OTOGL: variants seen among roughly 807,000 people sequenced by gnomAD.
OTOGL encodes otogelin like, also known as otogelin-like protein.
A neutral mutation model predicts 318.5 loss-of-function variants in OTOGL; 285 were observed. The observed-to-expected ratio is 0.89, with a 90% CI of 0.81 to 0.99. The LOEUF is 0.99. OTOGL is among the 50% of genes least tolerant of loss of function. The pLI, the probability that OTOGL is intolerant of heterozygous loss-of-function variation, is 0.00. For missense variants in OTOGL, 2,899 were observed against 2,845.6 expected, an observed-to-expected ratio of 1.02 and a Z score of -0.43; for synonymous variants, 987 against 936.5, an observed-to-expected ratio of 1.05 and a Z score of -0.99.
chr12:80,372,742 G>A (rs919543353), intron 57 of OTOGL, among the ~76,000 whole-genome samples: 7 of 151,474 alleles, frequency 4.6e-5, no homozygotes, highest in African/African-American at 9.7e-5. Flanking sequence ...AGGCCGGGGC[G>A]TAGTGGCATG....
chr12:80,336,211 A>C, intron 39 of OTOGL, 71 bp downstream of exon 39: 1 of 1,433,872 alleles, frequency 7.0e-7, no homozygotes, highest in Non-Finnish European at 9.1e-7. Flanking sequence ...TACTTTTTTG[A>C]ACCTTTCACC....
At chr12:80,275,931 A>C (rs908608483) in intron 24 of OTOGL, among the ~76,000 whole-genome samples, 6 of 145,422 alleles carry the variant, frequency 4.1e-5, no homozygotes, top group Non-Finnish European at 6.0e-5. Flanking sequence ...TGCTGTAAAT[A>C]TAACTTTTAT....
At chr12:80,122,615 G>C (rs190261724) in intron 1 of OTOGL, among the ~76,000 whole-genome samples, 9 of 152,104 alleles carry the variant, frequency 5.9e-5, no homozygotes, top group African/African-American at 2.2e-4. Context: ...AAATGTCAAG[G>C]TAAGCTTGGC....
intron 18 of OTOGL, among the ~76,000 whole-genome samples, chr12:80,258,849 C>T (rs952657883): frequency 4.6e-5 from 7 of 151,890 alleles, no homozygotes; most frequent in African/African-American, 1.7e-4. Flanking sequence ...TCAAAGGGTA[C>T]AAAGTTTCAG....
intron 18 of OTOGL, among the ~76,000 whole-genome samples, chr12:80,259,779 G>C (rs1032815969): frequency 4.6e-5 from 7 of 152,006 alleles, no homozygotes; most frequent in Non-Finnish European, 1.0e-4. Context: ...GGGCATTTGC[G>C]TTGGTTCCAA....
chr12:80,377,258 G>A lies in OTOGL; in HGVS notation c.6861+56G>A, dbSNP rs923040612. ...ATGCACACATCTTTTTAGAAAGTAT[G>A]TGTGTTACAGAAAGAAGTTTGTAAG... is the stretch of plus-strand genomic sequence containing the variant. On this transcript the variant is annotated intron_variant, in intron 58 of 58. Transcript: ENST00000547103. 20 of 1,357,442 alleles carry A rather than the reference G, an allele frequency of 1.5e-5. No individual in the cohort carries two copies. In the African/African-American group the frequency reaches 1.6e-4, roughly 11 times the overall value. 84.1% of individuals were successfully genotyped at this position (1,357,442 alleles called of 1,614,324 possible).
chr12:80,296,203 C>A (rs1592671616), intron 26 of OTOGL, among the ~76,000 whole-genome samples: 4 of 152,312 alleles, frequency 2.6e-5, no homozygotes, highest in Admixed American at 2.6e-4. Flanking sequence ...GAACTCTGAT[C>A]CTCCTCTTAA....
At chr12:80,103,257 CGAATGTGGGAAGGTGCGTTGAAATG>C in intron 1 of OTOGL, 1 of 1,539,974 alleles carries the variant, frequency 6.5e-7, no homozygotes, top group Non-Finnish European at 9.0e-7. Context: ...AATCTTCCTT[CGAATGTGGGAAGGTGCGTTGAAATG>C]CCTTTTGCGA....
chr12:80,187,602 T>G (rs1045580243), intron 1 of OTOGL, among the ~76,000 whole-genome samples: 1 of 152,184 alleles, frequency 6.6e-6, no homozygotes, highest in Non-Finnish European at 1.5e-5. Context: ...TCACTAAGTA[T>G]AAAGACAATG....
chr12:80,132,866 G>A (rs1017056731), intron 1 of OTOGL: 2 of 152,128 alleles, frequency 1.3e-5, no homozygotes, highest in Admixed American at 6.6e-5. Flanking sequence ...ACATTATGAA[G>A]GTGGTTTTGA....
intron 1 of OTOGL, among the ~76,000 whole-genome samples, chr12:80,110,055 TTTTC>T (rs1330655865): frequency 2.0e-5 from 3 of 148,356 alleles, no homozygotes; most frequent in Non-Finnish European, 4.4e-5. Flanking sequence ...ATTAGTTTTT[TTTTC>T]TTTCTTTCTT....
chr12:80,262,211 C>A (rs1274071428), intron 19 of OTOGL, 118 bp downstream of exon 19: 2 of 1,036,636 alleles, frequency 1.9e-6, no homozygotes, highest in Non-Finnish European at 2.6e-6. Flanking sequence ...ATGGTAAAAT[C>A]AATGCCATTC....
In OTOGL at chr12:80,367,583, T is replaced by G. The variant is rs1254212183; in HGVS notation, c.6354T>G (p.Phe2118Leu). The G allele has an allele frequency of 2.0e-6, 3 of 1,537,904 alleles. No individual in the cohort carries two copies. The African/African-American group carries it at 4.1e-5, about 21-fold the overall frequency. The change falls in exon 54 of 59, where the codon TTT (phenylalanine) becomes TTG (leucine). Residue 2118 changes from phenylalanine to leucine, a missense_variant. Coordinates refer to ENST00000547103, the MANE Select transcript of OTOGL (RefSeq NM_001378609.3). Reference protein sequence around the residue: ...YLCEKDDVCVFQEVSVLNPGQ... With the variant: ...YLCEKDDVCVLQEVSVLNPGQ... The stretch of plus-strand genomic sequence containing the variant: ...TAGAAAAGGATGATGTGTGTGTATT[T>G]CAAGAAGTATCAGTATTGAATCCTG...
At chr12:80,345,118 T>TCA (rs200312256) in intron 44 of OTOGL, among the ~76,000 whole-genome samples, 1 of 104,156 alleles carries the variant, frequency 9.6e-6, no homozygotes, top group Non-Finnish European at 1.9e-5. Flanking sequence ...ATATATATTA[T>TCA]TATGTTATAT....
chr12:80,249,962 A>G (rs1227863076), intron 11 of OTOGL, among the ~76,000 whole-genome samples: 3 of 151,994 alleles, frequency 2.0e-5, no homozygotes, highest in Admixed American at 2.0e-4. Flanking sequence ...TTTGACTCGG[A>G]AAGGGAACTC....
Position 80,378,570 on chromosome 12 carries a change from TC to T in OTOGL, c.*526del, listed in dbSNP as rs1490074427. ...GGTTTATAGAGAAGTCATTATAAAT[TC>T]CCCTCATTTTGCAGGTGTAACAGAT... On this transcript the variant is annotated 3_prime_UTR_variant, in exon 59 of 59. Coordinates refer to ENST00000547103, the MANE Select transcript of OTOGL (RefSeq NM_001378609.3). 3.1e-4 allele frequency: 48 copies of T among 152,644 alleles called. 1 individual carries two copies. The highest frequency in any genetic ancestry group is 1.1e-3 in the African/African-American group (47 of 41,558). The allele number at this position is 152,644 out of a possible 1,614,324, so 9.5% of individuals were successfully genotyped here. A position where few individuals can be genotyped will look rare whatever the true frequency, so the allele number is the denominator to read the frequency against.
At chr12:80,122,819 A>G (rs1359864119) in intron 1 of OTOGL, among the ~76,000 whole-genome samples, 1 of 152,142 alleles carries the variant, frequency 6.6e-6, no homozygotes, top group Non-Finnish European at 1.5e-5. Flanking sequence ...GGAAAGACCA[A>G]GTTTCCAAAT....
In OTOGL at chr12:80,320,702, T is replaced by C; in HGVS notation, c.4081+2T>C. 3 of 1,589,584 alleles carry C rather than the reference T, an allele frequency of 1.9e-6. No individual in the cohort carries two copies. Among genetic ancestry groups the C allele is most frequent in the Non-Finnish European group, 2.6e-6 (3 of 1,168,184 alleles). ...ATTCAAGTAGCTTCAGCATAGAAGGTATGTTTCCTGAGATCTCCAAAAAGA... is the reference window on the plus strand; with the variant it reads ...ATTCAAGTAGCTTCAGCATAGAAGGCATGTTTCCTGAGATCTCCAAAAAGA... On this transcript the variant is annotated splice_donor_variant, in intron 34 of 58. Coordinates refer to ENST00000547103, the MANE Select transcript of OTOGL (RefSeq NM_001378609.3). LOFTEE classifies it high-confidence loss of function.
Position 80,255,079 on chromosome 12 carries a change from T to G in OTOGL, c.1481T>G (p.Phe494Cys), listed in dbSNP as rs767032716. ...SVVGDSHFTTFDGRHYSFIGM... is the reference protein window; with the variant it reads ...SVVGDSHFTTCDGRHYSFIGM... ...GTAGGTGATTCTCACTTTACAACTT[T>G]TGATGGTCGACATTATTCTTTTATT... The change falls in exon 16 of 59, where the codon TTT (phenylalanine) becomes TGT (cysteine). Residue 494 changes from phenylalanine (F) to cysteine (C), a missense_variant. By Grantham distance (205) the Phe-to-Cys change is radical. Coordinates refer to ENST00000547103, the MANE Select transcript of OTOGL (RefSeq NM_001378609.3). The G allele has an allele frequency of 1.1e-5, 16 of 1,522,148 alleles. No homozygotes were observed. Among genetic ancestry groups the G allele is most frequent in the Non-Finnish European group, 1.4e-5 (16 of 1,137,904 alleles). The allele number at this position is 1,522,148 out of a possible 1,614,324, so 94.3% of individuals were successfully genotyped here.
Sources: gnomAD v4.1 joint callset for allele counts (sites outside exome capture counted in the v4.1 genomes callset) on GRCh38, gnomAD v4.1.1 for gene constraint, MANE v1.5 for transcripts, NCBI Gene and HGNC (gene_info 2026-07-23, HGNC 2026-07-21) for gene names.